The following TTLL5 variants were observed in gnomAD, a reference collection of about 807,000 sequenced individuals.
TTLL5 encodes the protein tubulin polyglutamylase TTLL5.
Under a neutral mutation model 168.4 loss-of-function variants are expected in TTLL5, and 132 were observed. That is an observed-to-expected ratio of 0.78 (90% CI 0.68 to 0.91). The LOEUF (loss-of-function observed/expected upper bound fraction) is 0.91. Ranked by LOEUF, TTLL5 falls within the 40% of genes least tolerant of loss-of-function variation. The pLI is 0.00. For missense variants in TTLL5, 1,545 were observed against 1,581.5 expected, an observed-to-expected ratio of 0.98 and a Z score of 0.39; for synonymous variants, 546 against 558.6, an observed-to-expected ratio of 0.98 and a Z score of 0.32.
intron 12 of TTLL5, among the ~76,000 whole-genome samples, chr14:75,729,606 T>C (rs1215687997): frequency 6.6e-6 from 1 of 152,110 alleles, no homozygotes; most frequent in Non-Finnish European, 1.5e-5. Context: ...GTGAGCTGGG[T>C]TTTGCACTAT....
At chr14:75,708,664 C>T (rs1440752824) in intron 9 of TTLL5, among the ~76,000 whole-genome samples, 5 of 152,098 alleles carry the variant, frequency 3.3e-5, no homozygotes, top group African/African-American at 9.7e-5. Flanking sequence ...ATGTGACTTA[C>T]AAGATTAAGT....
chr14:75,952,431 A>T (rs1394129730), intron 31 of TTLL5, among the ~76,000 whole-genome samples: 1 of 152,252 alleles, frequency 6.6e-6, no homozygotes, highest in Non-Finnish European at 1.5e-5. Flanking sequence ...AAATGGCGTG[A>T]CTGCTTTTGG....
chr14:75,849,011 A>G (rs1162102376), intron 28 of TTLL5, among the ~76,000 whole-genome samples: 6 of 152,176 alleles, frequency 3.9e-5, no homozygotes, highest in Admixed American at 2.6e-4. Context: ...TTCTCTATCC[A>G]TTGTCAGGTC....
In TTLL5 at chr14:75,686,944, A is replaced by T. The variant is rs1410571382; in HGVS notation, c.372-3248A>T. Among the ~76,000 whole-genome samples the T allele has an allele frequency of 2.0e-5, 3 of 152,210 alleles. No individual in the cohort carries two copies. The East Asian group carries it at 5.8e-4, about 29-fold the overall frequency. On this transcript the variant is annotated intron_variant, in intron 5 of 31. Coordinates refer to ENST00000298832, the MANE Select transcript of TTLL5 (RefSeq NM_015072.5). ...ATAATGATTTATAATAGTGAATAGCACAGACTCTGTTGAAGGTTTTGAAGC... is the reference window on the plus strand; with the variant it reads ...ATAATGATTTATAATAGTGAATAGCTCAGACTCTGTTGAAGGTTTTGAAGC...
intron 28 of TTLL5, among the ~76,000 whole-genome samples, chr14:75,839,519 C>T (rs969159679): frequency 2.0e-5 from 3 of 152,160 alleles, no homozygotes; most frequent in Non-Finnish European, 4.4e-5. Flanking sequence ...AGGAAACTTA[C>T]AATCATGACA....
At chr14:75,676,598 T>C (rs529874215) in intron 3 of TTLL5, among the ~76,000 whole-genome samples, 16 of 152,252 alleles carry the variant, frequency 1.1e-4, no homozygotes, top group South Asian at 2.1e-4. Flanking sequence ...TTTTGGAACA[T>C]GTTCAGTGTA....
At chr14:75,734,737 G>T (rs1888778803) in intron 14 of TTLL5, among the ~76,000 whole-genome samples, 1 of 152,168 alleles carries the variant, frequency 6.6e-6, no homozygotes, top group African/African-American at 2.4e-5. Flanking sequence ...TTTGAAAGTT[G>T]CCAATAGACC....
At chr14:75,759,760 G>A (rs1034371569) in intron 18 of TTLL5, among the ~76,000 whole-genome samples, 5 of 152,112 alleles carry the variant, frequency 3.3e-5, no homozygotes, top group African/African-American at 1.2e-4. Flanking sequence ...ATTAATTACA[G>A]GGGAAAAACT....
At chr14:75,672,027 T>C (rs1018159485) in intron 3 of TTLL5, among the ~76,000 whole-genome samples, 1 of 152,230 alleles carries the variant, frequency 6.6e-6, no homozygotes, top group Non-Finnish European at 1.5e-5. Flanking sequence ...CTTTGTCATG[T>C]TGAGAAAGTT....
intron 28 of TTLL5, among the ~76,000 whole-genome samples, chr14:75,849,254 C>G (rs183556192): frequency 6.6e-6 from 1 of 152,326 alleles, no homozygotes; most frequent in Admixed American, 6.5e-5. Context: ...TCAGAAGTCT[C>G]TCCTCAAGAG....
chr14:75,810,794 T>C (rs1307048778), intron 27 of TTLL5, among the ~76,000 whole-genome samples: 1 of 152,220 alleles, frequency 6.6e-6, no homozygotes, highest in African/African-American at 2.4e-5. Context: ...CTTTGCAGTT[T>C]CAGGGGCATG....
intron 31 of TTLL5, among the ~76,000 whole-genome samples, chr14:75,927,735 T>C (rs936537600): frequency 4.6e-5 from 7 of 152,282 alleles, no homozygotes; most frequent in African/African-American, 1.7e-4. Flanking sequence ...GGGCCTGGCC[T>C]CACTCTCTTT....
At chr14:75,902,251 C>T (rs2032956117) in intron 31 of TTLL5, 27 bp downstream of exon 31, 1 of 1,610,410 alleles carries the variant, frequency 6.2e-7, no homozygotes, top group Non-Finnish European at 8.5e-7. Flanking sequence ...TCTTCTGCAA[C>T]TGGATAGATG....
At chr14:75,754,389 T>A (rs1274745228) in intron 18 of TTLL5, among the ~76,000 whole-genome samples, 1 of 152,220 alleles carries the variant, frequency 6.6e-6, no homozygotes, top group Non-Finnish European at 1.5e-5. Flanking sequence ...TGTATGGTGA[T>A]CTTTGTCCAG....
chr14:75,778,184 A>T (rs1891834133), intron 23 of TTLL5, among the ~76,000 whole-genome samples: 1 of 152,198 alleles, frequency 6.6e-6, no homozygotes, highest in South Asian at 2.1e-4. Context: ...AATTATATAG[A>T]TGTGGAGATA....
At chr14:75,934,991 C>G (rs945601382) in intron 31 of TTLL5, among the ~76,000 whole-genome samples, 3 of 152,100 alleles carry the variant, frequency 2.0e-5, no homozygotes, top group Non-Finnish European at 4.4e-5. Context: ...TATTCTGGAG[C>G]CTTTAAGAAC....
At chr14:75,920,934 G>A (rs1363892529) in intron 31 of TTLL5, among the ~76,000 whole-genome samples, 2 of 152,160 alleles carry the variant, frequency 1.3e-5, no homozygotes, top group Non-Finnish European at 2.9e-5. Context: ...ACATGAGATG[G>A]TATCTCGTTG....
intron 29 of TTLL5, among the ~76,000 whole-genome samples, chr14:75,869,289 G>GA (rs2030813649): frequency 2.0e-5 from 3 of 151,980 alleles, no homozygotes; most frequent in South Asian, 4.1e-4. Flanking sequence ...AAAATACATA[G>GA]AAAATACATG....
chr14:75,746,095 G>A (rs1457208551), intron 17 of TTLL5, among the ~76,000 whole-genome samples: 2 of 152,032 alleles, frequency 1.3e-5, no homozygotes, highest in African/African-American at 2.4e-5. Flanking sequence ...ATGACCCTGG[G>A]CTTCAGACAT....
Sources: allele counts gnomAD v4.1 joint callset (sites outside exome capture counted in the v4.1 genomes callset), GRCh38; gene constraint gnomAD v4.1.1; transcripts MANE v1.5; gene names NCBI Gene and HGNC (gene_info 2026-07-23, HGNC 2026-07-21).